The following BLCAP variants were observed in gnomAD, a reference collection of about 807,000 sequenced individuals.
The protein encoded by BLCAP is apoptosis inducing factor BLCAP.
BLCAP carries 1 observed loss-of-function variant against 5.7 expected under a neutral mutation model. The ratio of observed to expected loss-of-function variants is 0.18; its 90% CI spans 0.06 to 0.83. The LOEUF (loss-of-function observed/expected upper bound fraction) is 0.83, where lower values mean the gene tolerates loss of function less well. Among genes scored for constraint, BLCAP ranks in the 40% least tolerant of loss-of-function variants. The pLI is 0.71. For missense variants in BLCAP, 66 were observed against 107.6 expected, an observed-to-expected ratio of 0.61 and a Z score of 1.71; for synonymous variants, 48 against 49.4, an observed-to-expected ratio of 0.97 and a Z score of 0.11.
At position 37,522,564 on chromosome 20, in the gene BLCAP, T is replaced by C; in HGVS notation, c.-176-3214A>G. ...GCCCGCCTCTCCAGCCTACGCTGGA[T>C]GGGCGGGCGGGGCAGGGGGTGGGGC... On this transcript the variant is annotated intron_variant, in intron 1 of 1. Coordinates refer to ENST00000373537, the MANE Select transcript of BLCAP (RefSeq NM_006698.4). The C allele has an allele frequency of 7.2e-6, 4 of 554,380 alleles. No homozygotes were observed. The South Asian group carries it at 1.9e-4, about 27-fold the overall frequency. The allele number at this position is 554,380 out of a possible 1,614,324, so 34.3% of individuals were successfully genotyped here. A position where few individuals can be genotyped will look rare whatever the true frequency, so the allele number is the denominator to read the frequency against.
rs1234042982 is a variant in BLCAP, at chr20:37,521,799, C to G, written c.-176-2449G>C. On this transcript the variant is annotated intron_variant, in intron 1 of 1. Coordinates refer to ENST00000373537, the MANE Select transcript of BLCAP (RefSeq NM_006698.4). This position sits in a 1 kb window ranked among gnomAD's most constrained non-coding sequence, Gnocchi z 4.5. ...GAAAATTTTCCACCTTAAAAAATTG[C>G]GCATTGCGGAGAAATTTTATTTAAA... 2.3e-5 allele frequency: 4 copies of G among 172,100 alleles called. No homozygotes were observed. The highest frequency in any genetic ancestry group is 7.1e-5 in the African/African-American group (3 of 42,068). The allele number at this position is 172,100 out of a possible 1,614,324, so 10.7% of individuals were successfully genotyped here. A position where few individuals can be genotyped will look rare whatever the true frequency, so the allele number is the denominator to read the frequency against.
chr20:37,519,980 T>A (rs914078704), intron 1 of BLCAP, among the ~76,000 whole-genome samples: 1 of 152,236 alleles, frequency 6.6e-6, no homozygotes, highest in South Asian at 2.1e-4. Flanking sequence ...CAGCGTCACT[T>A]TGCCAGAATC....
Position 37,518,052 on chromosome 20 carries a change from A to G in BLCAP, c.*859T>C, listed in dbSNP as rs2071440179. On this transcript the variant is annotated 3_prime_UTR_variant, in exon 2 of 2. Coordinates refer to ENST00000373537, the MANE Select transcript of BLCAP (RefSeq NM_006698.4). ...GGGGATCAAGGCCGTTACGAAACAC[A>G]CAGGTACTCTCCCACTCACTCAGCT... The G allele has an allele frequency of 6.6e-6, 1 of 152,648 alleles. No individual in the cohort carries two copies. The highest frequency in any genetic ancestry group is 6.5e-5 in the Admixed American group (1 of 15,276). 9.5% of individuals were successfully genotyped at this position (152,648 alleles called of 1,614,324 possible).
intron 1 of BLCAP, among the ~76,000 whole-genome samples, chr20:37,520,846 G>A (rs1162555823): frequency 6.6e-6 from 1 of 152,126 alleles, no homozygotes; most frequent in Admixed American, 6.5e-5. Context: ...TGCTCTATGG[G>A]GCAGATGACC....
intron 1 of BLCAP, among the ~76,000 whole-genome samples, chr20:37,522,198 T>TAAAA (rs5841264): frequency 3.5e-5 from 5 of 144,914 alleles, no homozygotes; most frequent in African/African-American, 5.1e-5. Flanking sequence ...AAAATAATAA[T>TAAAA]AAAAAAAATA....
intron 1 of BLCAP, among the ~76,000 whole-genome samples, chr20:37,525,759 C>A (rs1026532281): frequency 6.6e-5 from 10 of 152,192 alleles, no homozygotes; most frequent in African/African-American, 2.4e-4. Flanking sequence ...TGATAGAGAG[C>A]AATGCGAAGA....
At chr20:37,519,404 C>CAAAAAAAAAAAAAAAAAAAAAAAAAA (rs543149253) in intron 1 of BLCAP, 54 bp from the exon 2 acceptor site, 2 of 42,976 alleles carry the variant, frequency 4.7e-5, no homozygotes, top group South Asian at 1.1e-3. Context: ...GACAGACAGA[C>CAAAAAAAAAAAAAAAAAAAAAAAAAA]AAAAAAAAAA....
intron 1 of BLCAP, chr20:37,524,521 C>CA (rs2071688135): frequency 6.6e-6 from 1 of 152,302 alleles, no homozygotes; most frequent in Non-Finnish European, 1.5e-5. Flanking sequence ...ATGGCCCTGC[C>CA]GCCTGTTCAG....
chr20:37,527,367 C>T (rs1399638827), intron 1 of BLCAP, among the ~76,000 whole-genome samples: 1 of 150,682 alleles, frequency 6.6e-6, no homozygotes, highest in Non-Finnish European at 1.5e-5. Context: ...ACCTCCCCCC[C>T]AAAAAAGCAA....
In BLCAP at chr20:37,522,942, T is replaced by C. The variant is rs182700582; in HGVS notation, c.-176-3592A>G. On this transcript the variant is annotated intron_variant, in intron 1 of 1. Transcript: ENST00000373537. ...GAAGCAGTACCGACAATGACGAAGA[T>C]ACCAGATCCCTTCCCAACCCCTTTG... 4.1e-3 allele frequency: 2,401 copies of C among 578,706 alleles called. 9 individuals are homozygous for C. Among genetic ancestry groups the C allele is most frequent in the Non-Finnish European group, 6.0e-3 (1,960 of 326,712 alleles). 35.8% of individuals were successfully genotyped at this position (578,706 alleles called of 1,614,324 possible). A position where few individuals can be genotyped will look rare whatever the true frequency, so the allele number is the denominator to read the frequency against.
intron 1 of BLCAP, among the ~76,000 whole-genome samples, chr20:37,523,862 G>A (rs2071674248): frequency 6.6e-6 from 1 of 152,086 alleles, no homozygotes; most frequent in African/African-American, 2.4e-5. Context: ...GCTGTCCTGT[G>A]ATAAAGGACC....
chr20:37,519,424 G>C (rs6095057), intron 1 of BLCAP, 74 bp from the exon 2 acceptor site: 14 of 71,260 alleles, frequency 2.0e-4, no homozygotes, highest in Non-Finnish European at 2.6e-4. Context: ...AAAAAAAAAA[G>C]AAAAAAAAAA....
rs543265629 is a variant in BLCAP at position 37,525,181 on chromosome 20, A to G, written c.-177+2612T>C. Among the ~76,000 whole-genome samples, 145 of 152,214 alleles carry G rather than the reference A, an allele frequency of 9.5e-4. 1 individual carries two copies. Among genetic ancestry groups the G allele is most frequent in the Middle Eastern group, 3.4e-3 (1 of 294 alleles). On this transcript the variant is annotated intron_variant, in intron 1 of 1. Transcript: ENST00000373537. Reference sequence around the variant, plus strand: ...GGGAGTTTCTGTGGTTTTCCACACTAAACCCACAGAATCATGAACATACCA... The same window carrying G: ...GGGAGTTTCTGTGGTTTTCCACACTGAACCCACAGAATCATGAACATACCA...
At chr20:37,526,403 C>T (rs1048135743) in intron 1 of BLCAP, among the ~76,000 whole-genome samples, 6 of 151,626 alleles carry the variant, frequency 4.0e-5, no homozygotes. Context: ...GCCCCAGAGA[C>T]ACGTTGTCAC....
At position 37,525,617 on chromosome 20, in the gene BLCAP, C is replaced by T. The variant is rs577049659; in HGVS notation, c.-177+2176G>A. 3.3e-5 allele frequency among the ~76,000 whole-genome samples: 5 copies of T among 152,340 alleles called. No homozygotes were observed. The South Asian group carries it at 1.0e-3, about 32-fold the overall frequency. On this transcript the variant is annotated intron_variant, in intron 1 of 1. Transcript: ENST00000373537. Reference sequence around the variant, plus strand: ...CCCACAAAACTTCATGTTCTGGCAGCAAACTTAACCCACCAGAGAAGACAG... The same window carrying T: ...CCCACAAAACTTCATGTTCTGGCAGTAAACTTAACCCACCAGAGAAGACAG...
chr20:37,521,222 C>G lies in BLCAP; in HGVS notation c.-176-1872G>C. Reference sequence around the variant, plus strand: ...TGCGCACTTAGGTGGCGGGCGGGTACTTAAGGCGCGGCCACCGCGGCTGCG... The same window carrying G: ...TGCGCACTTAGGTGGCGGGCGGGTAGTTAAGGCGCGGCCACCGCGGCTGCG... On this transcript the variant is annotated intron_variant, in intron 1 of 1. Transcript: ENST00000373537. This position sits in a 1 kb window ranked among gnomAD's most constrained non-coding sequence, Gnocchi z 4.5. 8.5e-7 allele frequency: 1 copy of G among 1,174,174 alleles called. No individual in the cohort carries two copies. The highest frequency in any genetic ancestry group is 1.3e-6 in the Non-Finnish European group (1 of 788,944). 72.7% of individuals were successfully genotyped at this position (1,174,174 alleles called of 1,614,324 possible). A position where few individuals can be genotyped will look rare whatever the true frequency, so the allele number is the denominator to read the frequency against.
In BLCAP at chr20:37,518,378, G is replaced by C. The variant is rs536687636; in HGVS notation, c.*533C>G. 1 of 152,974 alleles carries C rather than the reference G, an allele frequency of 6.5e-6. No homozygotes were observed. The highest frequency in any genetic ancestry group is 2.4e-5 in the African/African-American group (1 of 41,558). The allele number at this position is 152,974 out of a possible 1,614,324, so 9.5% of individuals were successfully genotyped here. A position where few individuals can be genotyped will look rare whatever the true frequency, so the allele number is the denominator to read the frequency against. On this transcript the variant is annotated 3_prime_UTR_variant, in exon 2 of 2. Transcript: ENST00000373537. ...AGAAGGATGAAAAAGCGAGGCTCTC[G>C]GGCGTCAGCAATCTCTTCAAATTCG...
intron 1 of BLCAP, chr20:37,520,120 A>C (rs2071515096): frequency 6.6e-6 from 1 of 152,234 alleles, no homozygotes; most frequent in African/African-American, 2.4e-5. Flanking sequence ...GGGAGCTTTT[A>C]ATGAAAATTA....
intron 1 of BLCAP, among the ~76,000 whole-genome samples, chr20:37,525,367 G>A (rs1182064615): frequency 6.6e-6 from 1 of 152,216 alleles, no homozygotes; most frequent in Non-Finnish European, 1.5e-5. Context: ...GGCTGCTCTG[G>A]ACACAGCACC....
Sources: allele counts gnomAD v4.1 joint callset (sites outside exome capture counted in the v4.1 genomes callset), GRCh38; gene constraint gnomAD v4.1.1; non-coding constraint Gnocchi (gnomAD v3.1); transcripts MANE v1.5; gene names NCBI Gene and HGNC (gene_info 2026-07-23, HGNC 2026-07-21).